Variants in MAPK6 observed in about 807,000 individuals in gnomAD.
MAPK6 encodes the protein ERK-3.
A neutral mutation model predicts 59.3 loss-of-function variants in MAPK6; 19 were observed. That is an observed-to-expected ratio of 0.32 (90% CI 0.22 to 0.47). The LOEUF (loss-of-function observed/expected upper bound fraction) is 0.47, where lower values mean the gene tolerates loss of function less well. MAPK6 is among the 20% of genes least tolerant of loss of function. The pLI is 1.00. For missense variants in MAPK6, 724 were observed against 847.9 expected, an observed-to-expected ratio of 0.85 and a Z score of 1.81; for synonymous variants, 316 against 290.3, an observed-to-expected ratio of 1.09 and a Z score of -0.90.
intron 2 of MAPK6, among the ~76,000 whole-genome samples, chr15:51,985,203 T>A (rs558273625): frequency 6.6e-6 from 1 of 152,044 alleles, no homozygotes; most frequent in Non-Finnish European, 1.5e-5. Flanking sequence ...ATTAGCTGGG[T>A]GTGGTGGCAT....
At chr15:52,060,035 C>G (rs1197375092) in intron 4 of MAPK6, among the ~76,000 whole-genome samples, 1 of 152,116 alleles carries the variant, frequency 6.6e-6, no homozygotes, top group Non-Finnish European at 1.5e-5. Context: ...TGGTTAATTT[C>G]CCTCTATACT....
chr15:52,042,414 A>G (rs1013203113), intron 1 of MAPK6, among the ~76,000 whole-genome samples: 3 of 152,124 alleles, frequency 2.0e-5, no homozygotes, highest in African/African-American at 7.2e-5. Flanking sequence ...CAAAGCTCCT[A>G]CCTTCCCTAG....
At chr15:52,055,275 C>T (rs1223566197) in intron 3 of MAPK6, among the ~76,000 whole-genome samples, 1 of 152,166 alleles carries the variant, frequency 6.6e-6, no homozygotes, top group East Asian at 1.9e-4. Context: ...GGTGTGGTGG[C>T]ACACACCTGT....
At chr15:52,049,612 ATTTTT>A (rs934846995) in intron 2 of MAPK6, among the ~76,000 whole-genome samples, 1 of 124,188 alleles carries the variant, frequency 8.1e-6, no homozygotes. Context: ...AAAGATTAGG[ATTTTT>A]TTTTTTTTTT....
At chr15:52,052,742 C>T (rs1195689517) in intron 3 of MAPK6, among the ~76,000 whole-genome samples, 1 of 152,176 alleles carries the variant, frequency 6.6e-6, no homozygotes, top group Non-Finnish European at 1.5e-5. Context: ...TTTTTACGGG[C>T]AAATAGTATT....
chr15:51,975,468 G>C (rs1259935560), intron 1 of MAPK6, among the ~76,000 whole-genome samples: 1 of 151,606 alleles, frequency 6.6e-6, no homozygotes, highest in African/African-American at 2.4e-5. Flanking sequence ...TTGAATCCGG[G>C]AGGCGGAGGT....
intron 5 of MAPK6, 78 bp downstream of exon 5, chr15:52,061,578 A>C: frequency 9.2e-7 from 1 of 1,087,140 alleles, no homozygotes; most frequent in Non-Finnish European, 1.3e-6. Context: ...TTTTAAAATT[A>C]TGTATAAGAC....
At chr15:51,977,153 C>A (rs2057159788) in intron 1 of MAPK6, among the ~76,000 whole-genome samples, 1 of 151,270 alleles carries the variant, frequency 6.6e-6, no homozygotes, top group Admixed American at 6.6e-5. Flanking sequence ...CAGGTGCACA[C>A]CACCACGCCC....
intron 1 of MAPK6, chr15:52,021,355 A>G (rs1025559888): frequency 8.5e-6 from 1 of 118,034 alleles, no homozygotes; most frequent in Non-Finnish European, 1.7e-5. Flanking sequence ...ACGGACTGCT[A>G]CGTGGCTTTT....
chr15:52,006,641 A>G (rs2057259659), intron 3 of MAPK6, among the ~76,000 whole-genome samples: 1 of 152,190 alleles, frequency 6.6e-6, no homozygotes, highest in African/African-American at 2.4e-5. Flanking sequence ...TCTAGGGTAC[A>G]ATCTCTTGAA....
At chr15:52,054,475 T>C (rs2031892564) in intron 3 of MAPK6, among the ~76,000 whole-genome samples, 1 of 152,180 alleles carries the variant, frequency 6.6e-6, no homozygotes, top group South Asian at 2.1e-4. Context: ...CACTGAATTA[T>C]CTTGACACTT....
At chr15:52,001,906 A>T (rs1457405670) in intron 2 of MAPK6, among the ~76,000 whole-genome samples, 1 of 152,002 alleles carries the variant, frequency 6.6e-6, no homozygotes, top group Non-Finnish European at 1.5e-5. Context: ...ATCAACCCAG[A>T]TGTCCCTGTC....
intron 1 of MAPK6, among the ~76,000 whole-genome samples, chr15:52,022,468 C>T (rs2030572614): frequency 6.6e-6 from 1 of 152,004 alleles, no homozygotes; most frequent in Admixed American, 6.6e-5. Context: ...CACAGTGTTG[C>T]CCAGGCTGTT....
At chr15:52,013,032 T>A (rs1595969133) in intron 3 of MAPK6, among the ~76,000 whole-genome samples, 1 of 71,278 alleles carries the variant, frequency 1.4e-5, no homozygotes, top group African/African-American at 7.2e-5. Flanking sequence ...TATATATATA[T>A]ATATATATAT....
At chr15:52,055,244 C>A (rs1006300006) in intron 3 of MAPK6, among the ~76,000 whole-genome samples, 5 of 152,124 alleles carry the variant, frequency 3.3e-5, no homozygotes, top group African/African-American at 1.2e-4. Flanking sequence ...CCTGTCTCGA[C>A]AAAAAACAAA....
chr15:52,019,753 C>T (rs369882925), intron 1 of MAPK6, among the ~76,000 whole-genome samples: 1 of 151,800 alleles, frequency 6.6e-6, no homozygotes, highest in Non-Finnish European at 1.5e-5. Context: ...CGTCCCGCCG[C>T]CTGCGCCTGG....
intron 1 of MAPK6, among the ~76,000 whole-genome samples, chr15:51,978,156 A>G (rs577163188): frequency 6.6e-6 from 1 of 150,788 alleles, no homozygotes; most frequent in Non-Finnish European, 1.5e-5. Context: ...TTTTTGTAAC[A>G]GAGTCCTGCT....
intron 1 of MAPK6, among the ~76,000 whole-genome samples, chr15:52,024,878 CTTTTTTTTTTTTTTTT>C (rs35983896): frequency 2.4e-5 from 2 of 84,150 alleles, no homozygotes; most frequent in African/African-American, 9.0e-5. Context: ...CATACACTGC[CTTTTTTTTTTTTTTTT>C]TTTTTTTTAA....
chr15:52,040,785 G>A (rs1199220359), intron 1 of MAPK6, among the ~76,000 whole-genome samples: 2 of 152,130 alleles, frequency 1.3e-5, no homozygotes, highest in Non-Finnish European at 2.9e-5. Context: ...CAGTTTCAGG[G>A]AACTGCCTTA....
Sources: allele counts gnomAD v4.1 joint callset (sites outside exome capture counted in the v4.1 genomes callset), GRCh38; gene constraint gnomAD v4.1.1; transcripts MANE v1.5; gene names NCBI Gene and HGNC (gene_info 2026-07-23, HGNC 2026-07-21).